HSF5: variants seen among roughly 807,000 people sequenced by gnomAD.
The protein encoded by HSF5 is heat shock factor protein 5.
In HSF5, 5 loss-of-function variants were observed where a neutral mutation model predicts 50.8. The observed-to-expected ratio is 0.10, with a 90% CI of 0.05 to 0.21. The LOEUF is 0.21. HSF5 is among the 10% of genes least tolerant of loss of function. HSF5 has a pLI of 1.00. For synonymous variants in HSF5, 307 were observed against 307.4 expected (o/e 1.00, Z 0.02); for missense variants, 564 against 762.6 (o/e 0.74, Z 3.07).
intron 2 of HSF5, 84 bp downstream of exon 2, chr17:58,479,809 G>C: frequency 8.3e-7 from 1 of 1,202,234 alleles, no homozygotes; most frequent in Non-Finnish European, 1.2e-6. Flanking sequence ...AAAGCACATA[G>C]ACATTAAAAT....
At chr17:58,425,046 T>C (rs1352048990) in intron 5 of HSF5, among the ~76,000 whole-genome samples, 1 of 152,202 alleles carries the variant, frequency 6.6e-6, no homozygotes, top group Non-Finnish European at 1.5e-5. Flanking sequence ...GTGATGGTTG[T>C]ATTCACATGA....
Position 58,448,133 on chromosome 17 carries a change from CAAAAAAAAAAAA to C in HSF5, c.1720+10623_1720+10634del, listed in dbSNP as rs33943640. On this transcript the variant is annotated intron_variant, in intron 5 of 5. Coordinates refer to ENST00000323777, the MANE Select transcript of HSF5 (RefSeq NM_001080439.3). Reference sequence around the variant, plus strand: ...TGGGTAACAGAGTGAGAACCTGTCTCAAAAAAAAAAAAAAAAAAAAAGGTAGAAAGAAAGAAA... The same window carrying C: ...TGGGTAACAGAGTGAGAACCTGTCTCAAAAAAAAAGGTAGAAAGAAAGAAA... Among the ~76,000 whole-genome samples, 10 of 82,040 alleles carry C rather than the reference CAAAAAAAAAAAA, an allele frequency of 1.2e-4. 1 individual carries two copies. Among genetic ancestry groups the C allele is most frequent in the African/African-American group, 4.8e-4 (10 of 20,776 alleles). The allele number at this position is 82,040 out of a possible 152,430, so 53.8% of individuals were successfully genotyped here. A position where few individuals can be genotyped will look rare whatever the true frequency, so the allele number is the denominator to read the frequency against.
chr17:58,443,451 A>C (rs182561458), intron 5 of HSF5, among the ~76,000 whole-genome samples: 2 of 152,220 alleles, frequency 1.3e-5, no homozygotes, highest in East Asian at 3.9e-4. Flanking sequence ...GGATATGTGG[A>C]TGTGTTAACT....
At chr17:58,477,264 C>A (rs181834206) in intron 2 of HSF5, among the ~76,000 whole-genome samples, 1 of 150,716 alleles carries the variant, frequency 6.6e-6, no homozygotes, top group African/African-American at 2.4e-5. Flanking sequence ...GGATTACAGG[C>A]ACCCGCCACC....
intron 5 of HSF5, among the ~76,000 whole-genome samples, chr17:58,451,682 C>A (rs1974643380): frequency 6.6e-6 from 1 of 151,996 alleles, no homozygotes; most frequent in Admixed American, 6.6e-5. Context: ...TGTGATACAG[C>A]AAATGCTGTC....
At chr17:58,478,688 C>G (rs1271926952) in intron 2 of HSF5, among the ~76,000 whole-genome samples, 2 of 151,098 alleles carry the variant, frequency 1.3e-5, no homozygotes, top group African/African-American at 4.9e-5. Flanking sequence ...ATGGTGAAAC[C>G]CTGTCTCTAC....
At chr17:58,477,627 T>G (rs35273042) in intron 2 of HSF5, among the ~76,000 whole-genome samples, 54,652 of 151,456 alleles carry the variant, frequency 0.36, 10,218 homozygotes, top group East Asian at 0.51. Flanking sequence ...ACCCAGCTAA[T>G]TTTTTTGTAT....
chr17:58,430,018 T>C (rs1280598518), intron 5 of HSF5, among the ~76,000 whole-genome samples: 4 of 152,118 alleles, frequency 2.6e-5, no homozygotes. Context: ...GATTAAGAAA[T>C]ACCTAGAAAT....
intron 2 of HSF5, among the ~76,000 whole-genome samples, 162 bp downstream of exon 2, chr17:58,479,731 T>C (rs191617792): frequency 1.3e-5 from 2 of 152,348 alleles, no homozygotes; most frequent in East Asian, 3.9e-4. Flanking sequence ...TTTTGTATAT[T>C]GTTTAAAAAT....
chr17:58,431,766 G>A (rs1388334577), intron 5 of HSF5, among the ~76,000 whole-genome samples: 1 of 152,158 alleles, frequency 6.6e-6, no homozygotes, highest in Admixed American at 6.5e-5. Context: ...CAAGCCCAAG[G>A]CAGGCATTCA....
At chr17:58,436,693 G>A in intron 5 of HSF5, among the ~76,000 whole-genome samples, 1 of 152,108 alleles carries the variant, frequency 6.6e-6, no homozygotes, top group East Asian at 1.9e-4. Context: ...TGTCTTTGTT[G>A]AGGAATATGT....
intron 5 of HSF5, among the ~76,000 whole-genome samples, chr17:58,426,889 C>T (rs944826756): frequency 1.3e-5 from 2 of 152,070 alleles, no homozygotes; most frequent in Non-Finnish European, 2.9e-5. Flanking sequence ...ATAACCTCCT[C>T]CCTAACAAAA....
At chr17:58,461,424 CA>C (rs1250457726) in intron 4 of HSF5, among the ~76,000 whole-genome samples, 1 of 151,470 alleles carries the variant, frequency 6.6e-6, no homozygotes, top group Admixed American at 6.6e-5. Flanking sequence ...AAAAACCTGC[CA>C]AAAGTTATCT....
At chr17:58,467,127 T>C (rs1273352315) in intron 2 of HSF5, 148 bp from the exon 3 acceptor site, 3 of 592,922 alleles carry the variant, frequency 5.1e-6, no homozygotes, top group Non-Finnish European at 9.0e-6. Flanking sequence ...AATTAGGTGG[T>C]GTTATTTATT....
chr17:58,475,465 T>G (rs1291916858), intron 2 of HSF5, among the ~76,000 whole-genome samples: 1 of 152,210 alleles, frequency 6.6e-6, no homozygotes, highest in Non-Finnish European at 1.5e-5. Context: ...GCTCTGCAGA[T>G]TCTCCCATTG....
intron 5 of HSF5, among the ~76,000 whole-genome samples, chr17:58,435,768 G>A (rs1002091797): frequency 1.6e-4 from 24 of 150,774 alleles, no homozygotes; most frequent in South Asian, 8.4e-4. Context: ...GCATGGTGGC[G>A]GGCGCCTGTA....
At chr17:58,461,648 G>C (rs535309737) in intron 4 of HSF5, among the ~76,000 whole-genome samples, 123 of 152,302 alleles carry the variant, frequency 8.1e-4, no homozygotes, top group African/African-American at 2.8e-3. Context: ...AAGGCAGGTG[G>C]ATCACCTGAG....
In HSF5 at chr17:58,487,778, G is replaced by A. The variant is rs759553917; in HGVS notation, c.497C>T (p.Pro166Leu). The A allele has an allele frequency of 1.3e-6, 2 of 1,494,046 alleles. No individual in the cohort carries two copies. The highest frequency in any genetic ancestry group is 8.8e-7 in the Non-Finnish European group (1 of 1,130,752). 92.5% of individuals were successfully genotyped at this position (1,494,046 alleles called of 1,614,324 possible). A position where few individuals can be genotyped will look rare whatever the true frequency, so the allele number is the denominator to read the frequency against. ...LITSASAATAPLQHQQPPPPA... is the reference protein window; with the variant it reads ...LITSASAATALLQHQQPPPPA... Reference sequence around the variant, plus strand: ...CGGCGGCGGCTGCTGGTGCTGCAGTGGCGCGGTGGCGGCGGAGGCCGAGGT... The same window carrying A: ...CGGCGGCGGCTGCTGGTGCTGCAGTAGCGCGGTGGCGGCGGAGGCCGAGGT... The change falls in exon 1 of 6, where the codon CCA becomes CTA. Residue 166 changes from proline to leucine, a missense_variant. Transcript: ENST00000323777.
At chr17:58,472,910 T>C (rs749116852) in intron 2 of HSF5, among the ~76,000 whole-genome samples, 3 of 151,972 alleles carry the variant, frequency 2.0e-5, no homozygotes, top group Non-Finnish European at 4.4e-5. Context: ...CATAAAAAGG[T>C]AGATTCCCCT....
Sources: gnomAD v4.1 joint callset for allele counts (sites outside exome capture counted in the v4.1 genomes callset) on GRCh38, gnomAD v4.1.1 for gene constraint, MANE v1.5 for transcripts, NCBI Gene and HGNC (gene_info 2026-07-23, HGNC 2026-07-21) for gene names.